BORCS5: variants seen among roughly 807,000 people sequenced by gnomAD.
The protein encoded by BORCS5 is BLOC-1-related complex subunit 5.
Under a neutral mutation model 22.1 loss-of-function variants are expected in BORCS5, and 17 were observed. That is an observed-to-expected ratio of 0.77 (90% CI 0.53 to 1.15). The LOEUF (loss-of-function observed/expected upper bound fraction) is 1.15, where lower values mean the gene tolerates loss of function less well. Among genes scored for constraint, BORCS5 ranks in the 50% most tolerant of loss-of-function variants. The probability of loss-of-function intolerance (pLI) is 0.00; values close to 1 mark genes in which losing one functional copy is unlikely to be tolerated. For missense variants in BORCS5, 247 were observed against 253.2 expected, an observed-to-expected ratio of 0.98 and a Z score of 0.17; for synonymous variants, 117 against 99.8, an observed-to-expected ratio of 1.17 and a Z score of -1.03.
At chr12:12,451,395 C>T (rs1216706104) in intron 3 of BORCS5, among the ~76,000 whole-genome samples, 3 of 152,066 alleles carry the variant, frequency 2.0e-5, no homozygotes, top group Admixed American at 6.5e-5. Context: ...TAAGGAATGC[C>T]GCACTTGTGA....
chr12:12,437,727 T>C (rs191917576), intron 3 of BORCS5, among the ~76,000 whole-genome samples: 1 of 152,312 alleles, frequency 6.6e-6, no homozygotes, highest in Admixed American at 6.5e-5. Context: ...TTTTAGAACA[T>C]TCTTTGGGAA....
At chr12:12,377,279 A>G (rs573544505) in intron 2 of BORCS5, among the ~76,000 whole-genome samples, 1 of 151,888 alleles carries the variant, frequency 6.6e-6, no homozygotes, top group East Asian at 1.9e-4. Context: ...GCCAGGCTCA[A>G]GCAATTCTTC....
At chr12:12,400,184 G>C (rs1321826768) in intron 2 of BORCS5, among the ~76,000 whole-genome samples, 1 of 152,172 alleles carries the variant, frequency 6.6e-6, no homozygotes, top group Non-Finnish European at 1.5e-5. Flanking sequence ...TGTACCACTG[G>C]ATTTTTAGCT....
intron 3 of BORCS5, among the ~76,000 whole-genome samples, chr12:12,457,928 C>T (rs1181972554): frequency 2.0e-5 from 3 of 152,194 alleles, no homozygotes; most frequent in Non-Finnish European, 4.4e-5. Context: ...ATAGCCGCTC[C>T]TCATTTGGCA....
intron 2 of BORCS5, among the ~76,000 whole-genome samples, chr12:12,366,478 A>G (rs1487732721): frequency 6.6e-6 from 1 of 152,200 alleles, no homozygotes; most frequent in African/African-American, 2.4e-5. Flanking sequence ...TTTTTTATCA[A>G]AGGGATTTCT....
chr12:12,370,099 TACACAC>T (rs56408181), intron 2 of BORCS5, among the ~76,000 whole-genome samples: 110 of 145,408 alleles, frequency 7.6e-4, no homozygotes, highest in South Asian at 3.8e-3. Flanking sequence ...AGTGGTTTTA[TACACAC>T]ACACACACAC....
rs572478901 is a variant in BORCS5, at chr12:12,424,171, T to C, written c.203-11457T>C. 1.4e-4 allele frequency among the ~76,000 whole-genome samples: 22 copies of C among 152,318 alleles called. No homozygotes were observed. In the South Asian group the frequency reaches 4.6e-3, roughly 32 times the overall value. On this transcript the variant is annotated intron_variant, in intron 2 of 3. Coordinates refer to ENST00000314565, the MANE Select transcript of BORCS5 (RefSeq NM_058169.6). The stretch of plus-strand genomic sequence containing the variant: ...TGTTTTCCTTTTGGGACTCCCACAA[T>C]GCATACGGTTATCCACTTGATGGTG...
chr12:12,364,474 G>C (rs933980073), intron 2 of BORCS5, among the ~76,000 whole-genome samples: 1 of 152,202 alleles, frequency 6.6e-6, no homozygotes, highest in Admixed American at 6.5e-5. Flanking sequence ...TGAGTAGGCC[G>C]AGAAGGAGGA....
chr12:12,436,057 C>T (rs769333316), intron 3 of BORCS5, among the ~76,000 whole-genome samples: 53 of 152,118 alleles, frequency 3.5e-4, no homozygotes, highest in Non-Finnish European at 6.9e-4. Context: ...GTAACTTACC[C>T]CAAGGGTTGA....
intron 2 of BORCS5, among the ~76,000 whole-genome samples, chr12:12,413,826 A>C (rs1288290641): frequency 1.6e-5 from 1 of 63,700 alleles, no homozygotes; most frequent in Non-Finnish European, 3.1e-5. Context: ...GCGGCTGGCC[A>C]GGCGGGGGGC....
chr12:12,414,204 G>A (rs1301799384), intron 2 of BORCS5, among the ~76,000 whole-genome samples: 1 of 94,900 alleles, frequency 1.1e-5, no homozygotes, highest in Admixed American at 9.3e-5. Flanking sequence ...GGCCAGGCGG[G>A]GGGCTGACCC....
At position 12,428,623 on chromosome 12, in the gene BORCS5, C is replaced by A. The variant is rs115101635; in HGVS notation, c.203-7005C>A. Among the ~76,000 whole-genome samples, 1,239 of 152,238 alleles carry A rather than the reference C, an allele frequency of 8.1e-3. 24 individuals are homozygous for A. The highest frequency in any genetic ancestry group is 0.029 in the African/African-American group (1,214 of 41,538). Reference sequence around the variant, plus strand: ...GGCCCTGTTGCTTAACTGTAAGGAACATGTAATTTAGAAACTTCTTCTCTT... The same window carrying A: ...GGCCCTGTTGCTTAACTGTAAGGAAAATGTAATTTAGAAACTTCTTCTCTT... On this transcript the variant is annotated intron_variant, in intron 2 of 3. Transcript: ENST00000314565.
intron 2 of BORCS5, among the ~76,000 whole-genome samples, chr12:12,420,250 A>G (rs544181419): frequency 1.5e-3 from 222 of 151,942 alleles, no homozygotes; most frequent in Non-Finnish European, 2.7e-3. Context: ...ATCCAGTTTC[A>G]GCTTTCTACA....
chr12:12,422,877 T>TTTTTTTTTTTTTTTTTTTTTTGAG (rs1303920001), intron 2 of BORCS5, among the ~76,000 whole-genome samples: 2 of 152,006 alleles, frequency 1.3e-5, no homozygotes, highest in Non-Finnish European at 2.9e-5. Context: ...TAATTTTTTT[T>TTTTTTTTTTTTTTTTTTTTTTGAG]AATGTATCAG....
chr12:12,405,211 T>A (rs16908019), intron 2 of BORCS5, among the ~76,000 whole-genome samples: 24,944 of 152,192 alleles, frequency 0.16, 3,057 homozygotes, highest in African/African-American at 0.34. Flanking sequence ...GCTGTGTTGC[T>A]ACTGAAAACA....
chr12:12,378,136 C>T (rs1863695406), intron 2 of BORCS5, among the ~76,000 whole-genome samples: 1 of 152,160 alleles, frequency 6.6e-6, no homozygotes, highest in South Asian at 2.1e-4. Context: ...TTTTGGGAGG[C>T]CTAGGCGGGC....
intron 2 of BORCS5, among the ~76,000 whole-genome samples, chr12:12,420,572 T>C (rs1439240097): frequency 6.6e-6 from 1 of 152,212 alleles, no homozygotes; most frequent in African/African-American, 2.4e-5. Context: ...TTTTTTCCAA[T>C]TCTGTGAAGA....
intron 2 of BORCS5, among the ~76,000 whole-genome samples, chr12:12,434,359 G>A (rs1480351784): frequency 6.6e-6 from 1 of 151,134 alleles, no homozygotes; most frequent in African/African-American, 2.4e-5. Context: ...TGTTCCTTGT[G>A]CTGTAGCATT....
At chr12:12,460,614 G>T (rs544929207) in intron 3 of BORCS5, among the ~76,000 whole-genome samples, 7 of 152,300 alleles carry the variant, frequency 4.6e-5, no homozygotes, top group African/African-American at 1.4e-4. Flanking sequence ...TTGTCAGCTG[G>T]AAGTTTTTCA....
Sources: gnomAD v4.1 joint callset for allele counts (sites outside exome capture counted in the v4.1 genomes callset) on GRCh38, gnomAD v4.1.1 for gene constraint, MANE v1.5 for transcripts, NCBI Gene and HGNC (gene_info 2026-07-23, HGNC 2026-07-21) for gene names.